LRRC52: variants seen among roughly 807,000 people sequenced by gnomAD.
LRRC52 encodes leucine rich repeat containing 52, also known as leucine-rich repeat-containing protein 52.
LRRC52 carries 15 observed loss-of-function variants against 14.7 expected under a neutral mutation model. The ratio of observed to expected loss-of-function variants is 1.02; its 90% CI spans 0.68 to 1.58. The LOEUF (loss-of-function observed/expected upper bound fraction) is 1.58, where lower values mean the gene tolerates loss of function less well. Among genes scored for constraint, LRRC52 ranks in the 40% most tolerant of loss-of-function variants. LRRC52 has a pLI of 0.00. For missense variants in LRRC52, 400 were observed against 387.7 expected, an observed-to-expected ratio of 1.03 and a Z score of -0.27; for synonymous variants, 180 against 163.9, an observed-to-expected ratio of 1.10 and a Z score of -0.75.
chr1:165,544,574 T>C lies in LRRC52; in HGVS notation c.278T>C (p.Met93Thr). Residue 93 changes from methionine (M) to threonine (T), a missense_variant, in exon 1 of 2, where the codon ATG (methionine) becomes ACG (threonine). By Grantham distance (81) the Met-to-Thr change is moderately conservative. Coordinates refer to ENST00000294818, the MANE Select transcript of LRRC52 (RefSeq NM_001005214.4). ...DCQNNRIREV[M>T]DYTFIGVFKL... Reference sequence around the variant, plus strand: ...CAGAACAACCGGATTCGAGAGGTGATGGATTATACCTTCATCGGGGTCTTC... The same window carrying C: ...CAGAACAACCGGATTCGAGAGGTGACGGATTATACCTTCATCGGGGTCTTC... 8.7e-6 allele frequency: 14 copies of C among 1,614,070 alleles called. No homozygotes were observed. The highest frequency in any genetic ancestry group is 1.2e-5 in the Non-Finnish European group (14 of 1,180,008).
chr1:165,559,931 G>A (rs1377472522), intron 1 of LRRC52, among the ~76,000 whole-genome samples: 2 of 152,198 alleles, frequency 1.3e-5, no homozygotes, highest in African/African-American at 4.8e-5. Context: ...AGGGTGTAAG[G>A]TGGGAAGCAG....
At chr1:165,549,052 G>C (rs1014843219) in intron 1 of LRRC52, among the ~76,000 whole-genome samples, 1 of 152,184 alleles carries the variant, frequency 6.6e-6, no homozygotes, top group African/African-American at 2.4e-5. Flanking sequence ...TACAAAAATG[G>C]GGCAAGGAGA....
At chr1:165,546,991 G>A (rs929997292) in intron 1 of LRRC52, among the ~76,000 whole-genome samples, 40 of 152,114 alleles carry the variant, frequency 2.6e-4, no homozygotes, top group African/African-American at 7.2e-4. Flanking sequence ...CCCCACACAC[G>A]TACCCACAAC....
At chr1:165,563,039 A>G (rs916257305) in intron 1 of LRRC52, among the ~76,000 whole-genome samples, 15 of 152,116 alleles carry the variant, frequency 9.9e-5, no homozygotes, top group Admixed American at 9.2e-4. Flanking sequence ...AGAGAAAGGG[A>G]CAAGGTGAAG....
At position 165,563,755 on chromosome 1, in the gene LRRC52, G is replaced by A. The variant is rs765726690; in HGVS notation, c.873G>A (p.Arg291=). 3.1e-6 allele frequency: 5 copies of A among 1,614,184 alleles called. No individual in the cohort carries two copies. In the Admixed American group the frequency reaches 8.3e-5, roughly 27 times the overall value. Residue 291 remains arginine, a synonymous_variant, in exon 2 of 2, where the codon AGG becomes AGA. Transcript: ENST00000294818. The part of the protein sequence containing the change: ...SEEDEDEAGT[R]VEVSRRIFQT... ...AAGATGAGGACGAGGCCGGGACTAG[G>A]GTGGAAGTCAGCCGGCGGATTTTTC...
rs541810556 is a variant in LRRC52, at chr1:165,553,516, A to C, written c.622+8598A>C. The stretch of plus-strand genomic sequence containing the variant: ...CTGAAGGGAATAGGGTGCTAGTTGG[A>C]GAGAAAACAAATGAAGAAGGAGGAT... On this transcript the variant is annotated intron_variant, in intron 1 of 1. Coordinates refer to ENST00000294818, the MANE Select transcript of LRRC52 (RefSeq NM_001005214.4). 8.5e-5 allele frequency among the ~76,000 whole-genome samples: 13 copies of C among 152,344 alleles called. 1 individual carries two copies. The highest frequency in any genetic ancestry group is 3.1e-4 in the African/African-American group (13 of 41,572).
Position 165,563,633 on chromosome 1 carries a change from A to C in LRRC52, c.751A>C (p.Ile251Leu). 6.2e-7 allele frequency: 1 copy of C among 1,614,190 alleles called. No homozygotes were observed. The highest frequency in any genetic ancestry group is 8.5e-7 in the Non-Finnish European group (1 of 1,180,024). Reference sequence around the variant, plus strand: ...CAAAGACTACATCTTCCTGCTGCTCATCGGCTTCTGCATCTTCGCCGCGGG... The same window carrying C: ...CAAAGACTACATCTTCCTGCTGCTCCTCGGCTTCTGCATCTTCGCCGCGGG... ...DHKDYIFLLL[I>L]GFCIFAAGTV... Residue 251 changes from isoleucine (I) to leucine (L), a missense_variant, in exon 2 of 2, where the codon ATC (isoleucine) becomes CTC (leucine). Transcript: ENST00000294818.
intron 1 of LRRC52, among the ~76,000 whole-genome samples, chr1:165,547,950 A>G (rs1294216323): frequency 6.6e-6 from 1 of 152,236 alleles, no homozygotes; most frequent in Non-Finnish European, 1.5e-5. Flanking sequence ...GCTACGTGGA[A>G]ATATCTTTGC....
intron 1 of LRRC52, among the ~76,000 whole-genome samples, chr1:165,554,815 T>C (rs1346094): frequency 0.097 from 14,722 of 152,274 alleles, 841 homozygotes; most frequent in South Asian, 0.22. Context: ...ATGCATCCAA[T>C]TAAAACATAG....
At chr1:165,548,919 A>C (rs1219246708) in intron 1 of LRRC52, among the ~76,000 whole-genome samples, 1 of 152,188 alleles carries the variant, frequency 6.6e-6, no homozygotes, top group Non-Finnish European at 1.5e-5. Flanking sequence ...GACTTCAGGA[A>C]GGCTCAGCAT....
At chr1:165,557,726 C>G (rs1661267311) in intron 1 of LRRC52, among the ~76,000 whole-genome samples, 2 of 152,138 alleles carry the variant, frequency 1.3e-5, no homozygotes, top group South Asian at 4.1e-4. Context: ...GGGAATTAGG[C>G]TTTTCTCTAG....
intron 1 of LRRC52, among the ~76,000 whole-genome samples, chr1:165,559,028 G>A (rs1661292410): frequency 6.6e-6 from 1 of 152,188 alleles, no homozygotes; most frequent in South Asian, 2.1e-4. Context: ...AATGATAGAA[G>A]GGTAATTCTA....
chr1:165,546,546 C>T (rs1661023782), intron 1 of LRRC52, among the ~76,000 whole-genome samples: 8 of 152,102 alleles, frequency 5.3e-5, no homozygotes, highest in Admixed American at 5.2e-4. Context: ...GGGGATTCTC[C>T]CCTGTCCATG....
At chr1:165,554,933 G>C (rs948694305) in intron 1 of LRRC52, among the ~76,000 whole-genome samples, 8 of 152,226 alleles carry the variant, frequency 5.3e-5, no homozygotes, top group Admixed American at 4.6e-4. Flanking sequence ...ATGAGGCACA[G>C]GCATTGTCAT....
intron 1 of LRRC52, among the ~76,000 whole-genome samples, chr1:165,549,719 CA>C (rs1183447284): frequency 6.6e-6 from 1 of 152,142 alleles, no homozygotes; most frequent in East Asian, 1.9e-4. Context: ...TACGCTTCTT[CA>C]AAAAATGTGC....
chr1:165,563,589 G>T lies in LRRC52; in HGVS notation c.707G>T (p.Cys236Phe). 6.2e-7 allele frequency: 1 copy of T among 1,614,224 alleles called. No individual in the cohort carries two copies. The highest frequency in any genetic ancestry group is 8.5e-7 in the Non-Finnish European group (1 of 1,180,038). ...GTGGGGAACCCACTCCGATACATGT[G>T]CATCACGCACCTGGACCACAAAGAC... ...TRVGNPLRYMCITHLDHKDYI... is the reference protein window; with the variant it reads ...TRVGNPLRYMFITHLDHKDYI... Residue 236 changes from cysteine (C) to phenylalanine (F), a missense_variant, in exon 2 of 2, where the codon TGC becomes TTC. Coordinates refer to ENST00000294818, the MANE Select transcript of LRRC52 (RefSeq NM_001005214.4).
At position 165,544,640 on chromosome 1, in the gene LRRC52, C is replaced by G; in HGVS notation, c.344C>G (p.Ser115Trp). The G allele has an allele frequency of 6.2e-7, 1 of 1,613,912 alleles. No homozygotes were observed. Among genetic ancestry groups the G allele is most frequent in the South Asian group, 1.1e-5 (1 of 91,042 alleles). The change falls in exon 1 of 2, where the codon TCG (serine) becomes TGG (tryptophan). Residue 115 changes from serine to tryptophan, a missense_variant. Physicochemically the swap from Ser to Trp is radical, Grantham distance 177. Transcript: ENST00000294818. ...GACCTCAGCTCCAACAACCTAACCTCGATCTCCCCATTCACTTTCTCGGTG... is the reference window on the plus strand; with the variant it reads ...GACCTCAGCTCCAACAACCTAACCTGGATCTCCCCATTCACTTTCTCGGTG... The part of the protein sequence containing the change: ...YLDLSSNNLT[S>W]ISPFTFSVLS...
intron 1 of LRRC52, among the ~76,000 whole-genome samples, chr1:165,562,986 C>T (rs426167): frequency 1 from 151,938 of 152,192 alleles, 75,843 homozygotes; most frequent in East Asian, 1. Flanking sequence ...GCAATGCTCT[C>T]GGGGGATGCT....
intron 1 of LRRC52, among the ~76,000 whole-genome samples, chr1:165,561,982 C>T (rs1661353141): frequency 6.6e-6 from 1 of 152,232 alleles, no homozygotes; most frequent in Admixed American, 6.5e-5. Context: ...ACCTGATTTT[C>T]CTAACATCCT....
Sources: gnomAD v4.1 joint callset for allele counts (sites outside exome capture counted in the v4.1 genomes callset) on GRCh38, gnomAD v4.1.1 for gene constraint, MANE v1.5 for transcripts, NCBI Gene and HGNC (gene_info 2026-07-23, HGNC 2026-07-21) for gene names.